TFDP2: variants seen among roughly 807,000 people sequenced by gnomAD.
TFDP2 encodes the protein transcription factor Dp-2.
Under a neutral mutation model 59.3 loss-of-function variants are expected in TFDP2, and 17 were observed. The ratio of observed to expected loss-of-function variants is 0.29; its 90% confidence interval spans 0.20 to 0.43. The LOEUF is 0.43. Among genes scored for constraint, TFDP2 ranks in the 20% least tolerant of loss-of-function variants. TFDP2 has a pLI of 1.00. For synonymous variants in TFDP2, 180 were observed against 194.7 expected, an observed-to-expected ratio of 0.92 and a Z score of 0.63; for missense variants, 391 against 528.8, an observed-to-expected ratio of 0.74 and a Z score of 2.56.
intron 3 of TFDP2, among the ~76,000 whole-genome samples, chr3:142,011,598 A>G (rs1216343337): frequency 6.7e-6 from 1 of 149,684 alleles, no homozygotes; most frequent in Admixed American, 6.6e-5. Flanking sequence ...AATAAAAAAA[A>G]AAAGAAAAAA....
At chr3:142,053,124 G>C (rs1031572071) in intron 3 of TFDP2, among the ~76,000 whole-genome samples, 1 of 152,170 alleles carries the variant, frequency 6.6e-6, no homozygotes, top group African/African-American at 2.4e-5. Context: ...TCTTAAATAG[G>C]ATACAAAGAA....
intron 1 of TFDP2, among the ~76,000 whole-genome samples, chr3:142,132,614 A>G (rs1159307060): frequency 6.7e-6 from 1 of 148,876 alleles, no homozygotes; most frequent in Non-Finnish European, 1.5e-5. Flanking sequence ...GCATGGTGGT[A>G]AGCGCCTGTA....
At chr3:142,106,377 G>A (rs1035870288) in intron 1 of TFDP2, among the ~76,000 whole-genome samples, 16 of 152,232 alleles carry the variant, frequency 1.1e-4, no homozygotes, top group African/African-American at 3.9e-4. Context: ...TAAGTATGCT[G>A]TATTGGCTTT....
intron 1 of TFDP2, among the ~76,000 whole-genome samples, chr3:142,125,768 G>A (rs1017685968): frequency 2.0e-4 from 31 of 152,172 alleles, no homozygotes; most frequent in Middle Eastern, 3.2e-3. Flanking sequence ...GGCTAGCTGA[G>A]AGAAAAACAT....
intron 3 of TFDP2, among the ~76,000 whole-genome samples, chr3:142,044,455 C>T (rs1007075856): frequency 6.6e-6 from 1 of 151,988 alleles, no homozygotes; most frequent in African/African-American, 2.4e-5. Flanking sequence ...AGGATGGTCT[C>T]GATCTGTTGA....
chr3:142,142,459 A>G (rs888843281), intron 1 of TFDP2, among the ~76,000 whole-genome samples: 1 of 152,250 alleles, frequency 6.6e-6, no homozygotes, highest in Non-Finnish European at 1.5e-5. Context: ...GAGGACACCA[A>G]AAAAATGGAA....
At chr3:142,007,284 A>G (rs1944295001) in intron 3 of TFDP2, among the ~76,000 whole-genome samples, 1 of 152,168 alleles carries the variant, frequency 6.6e-6, no homozygotes, top group Non-Finnish European at 1.5e-5. Flanking sequence ...AGCAAGTCCT[A>G]GTACCCAAAT....
chr3:142,070,436 C>T (rs377238929), intron 3 of TFDP2, among the ~76,000 whole-genome samples: 1 of 152,174 alleles, frequency 6.6e-6, no homozygotes, highest in Non-Finnish European at 1.5e-5. Context: ...TGCCACCAAG[C>T]CTGGCTAATT....
At chr3:141,965,123 A>AAGTGAATCTCTTGCCT (rs1937764756) in intron 9 of TFDP2, among the ~76,000 whole-genome samples, 1 of 150,018 alleles carries the variant, frequency 6.7e-6, no homozygotes, top group African/African-American at 2.5e-5. Context: ...ATAGAATTTC[A>AAGTGAATCTCTTGCCT]CAGCTAGAAA....
intron 1 of TFDP2, among the ~76,000 whole-genome samples, chr3:142,117,896 A>G (rs2108686810): frequency 6.6e-6 from 1 of 152,316 alleles, no homozygotes; most frequent in South Asian, 2.1e-4. Flanking sequence ...CAGGAGTTCG[A>G]GACCAGCCTG....
intron 11 of TFDP2, among the ~76,000 whole-genome samples, chr3:141,956,770 A>G (rs1481661702): frequency 6.6e-6 from 1 of 151,900 alleles, no homozygotes; most frequent in Non-Finnish European, 1.5e-5. Context: ...AAAAAAAAAA[A>G]AAGATTTAAC....
chr3:142,113,935 CG>C (rs2061752943), intron 1 of TFDP2, among the ~76,000 whole-genome samples: 1 of 152,040 alleles, frequency 6.6e-6, no homozygotes, highest in Admixed American at 6.5e-5. Context: ...GAGGCCGAGG[CG>C]GGCGGATCAC....
At chr3:142,126,176 C>G (rs892212723) in intron 1 of TFDP2, 8 of 144,870 alleles carry the variant, frequency 5.5e-5, no homozygotes, top group Non-Finnish European at 1.1e-4. Context: ...GAATTTTTTT[C>G]TTTTCTTTTT....
chr3:141,973,859 T>C (rs1487345061), intron 8 of TFDP2, among the ~76,000 whole-genome samples, 189 bp downstream of exon 8: 1 of 152,150 alleles, frequency 6.6e-6, no homozygotes, highest in African/African-American at 2.4e-5. Flanking sequence ...GTTTCATCAT[T>C]TGCAAATTAA....
intron 8 of TFDP2, 81 bp from the exon 9 acceptor site, chr3:141,970,222 A>G: frequency 2.2e-6 from 3 of 1,360,962 alleles, no homozygotes; most frequent in Non-Finnish European, 3.1e-6. Flanking sequence ...CTATTCTGAG[A>G]TAACAATTTT....
intron 1 of TFDP2, among the ~76,000 whole-genome samples, chr3:142,111,976 G>C (rs577330044): frequency 3.9e-5 from 6 of 152,074 alleles, no homozygotes; most frequent in Non-Finnish European, 8.8e-5. Context: ...TGAGACAGGA[G>C]AATCACTTGA....
At chr3:142,145,471 C>T (rs1271359049) in intron 1 of TFDP2, 1 of 152,166 alleles carries the variant, frequency 6.6e-6, no homozygotes, top group African/African-American at 2.4e-5. Context: ...CTTAGTAGCA[C>T]ATATACTAAA....
chr3:141,974,907 C>CTTTTTTTTTTTTTTT (rs753702830), intron 7 of TFDP2, among the ~76,000 whole-genome samples: 19 of 90,494 alleles, frequency 2.1e-4, no homozygotes, highest in South Asian at 4.2e-4. Flanking sequence ...TCTTCTTCTT[C>CTTTTTTTTTTTTTTT]TTTTTTTTTT....
rs1409366325 is a variant in TFDP2, at chr3:142,131,693, G to A, written c.-93+17490C>T. The stretch of plus-strand genomic sequence containing the variant: ...ATAAATGTAGTAAGAAATGCGTAAC[G>A]CCTATCAGAAAGAATTAAAAACACA... On this transcript the variant is annotated intron_variant, in intron 1 of 12. Transcript: ENST00000489671. Among the ~76,000 whole-genome samples the A allele has an allele frequency of 3.3e-5, 5 of 150,040 alleles. 1 individual carries two copies. The highest frequency in any genetic ancestry group is 7.6e-5 in the African/African-American group (3 of 39,626).
Sources: allele counts gnomAD v4.1 joint callset (sites outside exome capture counted in the v4.1 genomes callset), GRCh38; gene constraint gnomAD v4.1.1; transcripts MANE v1.5; gene names NCBI Gene and HGNC (gene_info 2026-07-23, HGNC 2026-07-21).